The following FBXO36 variants were observed in gnomAD, a reference collection of about 807,000 sequenced individuals.
FBXO36 encodes the protein F-box protein 36, also known as F-box only protein 36.
In FBXO36, 18 loss-of-function variants were observed where a neutral mutation model predicts 17.0. The observed-to-expected ratio is 1.06, with a 90% CI of 0.73 to 1.57. The LOEUF (loss-of-function observed/expected upper bound fraction) is 1.57. Among genes scored for constraint, FBXO36 ranks in the 40% most tolerant of loss-of-function variants. The pLI is 0.00. For synonymous variants in FBXO36, 83 were observed against 85.3 expected (o/e 0.97, Z 0.15); for missense variants, 229 against 221.9 (o/e 1.03, Z -0.20).
intron 3 of FBXO36, among the ~76,000 whole-genome samples, chr2:230,007,981 G>A (rs531698403): frequency 6.6e-6 from 1 of 152,052 alleles, no homozygotes; most frequent in Non-Finnish European, 1.5e-5. Flanking sequence ...TACCCACCTC[G>A]GCCTCGCAGA....
intron 2 of FBXO36, among the ~76,000 whole-genome samples, chr2:229,990,588 A>T (rs765367350): frequency 6.6e-6 from 1 of 152,186 alleles, no homozygotes; most frequent in Admixed American, 6.5e-5. Context: ...GATTAATCCT[A>T]CTGGTCAAAA....
chr2:229,950,936 AT>A (rs2077054424), intron 1 of FBXO36, among the ~76,000 whole-genome samples: 1 of 149,886 alleles, frequency 6.7e-6, no homozygotes, highest in Non-Finnish European at 1.5e-5. Context: ...ATTTTATTTT[AT>A]TTTATTTTAT....
rs1262774790 is a variant in FBXO36, at chr2:230,012,992, C to T, written c.*2108C>T. The T allele has an allele frequency of 1.3e-5, 2 of 149,932 alleles. No individual in the cohort carries two copies. Among genetic ancestry groups the T allele is most frequent in the Non-Finnish European group, 3.0e-5 (2 of 67,564 alleles). 9.3% of individuals were successfully genotyped at this position (149,932 alleles called of 1,614,324 possible). A position where few individuals can be genotyped will look rare whatever the true frequency, so the allele number is the denominator to read the frequency against. On this transcript the variant is annotated 3_prime_UTR_variant, in exon 4 of 4. Transcript: ENST00000283946. ...TTATATGTAGTATATAATAATATTA[C>T]ATATAAAAATGTTATAAAAATAAAT...
At chr2:229,924,199 TCTCCTGCCTCAGC>T (rs1248163734) in intron 1 of FBXO36, among the ~76,000 whole-genome samples, 4 of 152,038 alleles carry the variant, frequency 2.6e-5, no homozygotes, top group Non-Finnish European at 4.4e-5. Context: ...TTCAAGCGAT[TCTCCTGCCTCAGC>T]CCCCCGAGTA....
At chr2:229,927,542 A>C (rs1240009508) in intron 1 of FBXO36, among the ~76,000 whole-genome samples, 1 of 152,196 alleles carries the variant, frequency 6.6e-6, no homozygotes, top group Non-Finnish European at 1.5e-5. Context: ...TGTTAGAAAG[A>C]GAATAATGGT....
intron 1 of FBXO36, among the ~76,000 whole-genome samples, chr2:229,957,923 A>G (rs1303530366): frequency 6.6e-6 from 1 of 152,222 alleles, no homozygotes; most frequent in East Asian, 1.9e-4. Flanking sequence ...TTGTACCAGA[A>G]GTAGAAGTAT....
intron 1 of FBXO36, among the ~76,000 whole-genome samples, chr2:229,961,304 T>G (rs2106182288): frequency 6.6e-6 from 1 of 152,310 alleles, no homozygotes; most frequent in East Asian, 1.9e-4. Flanking sequence ...AGCCTTATAT[T>G]ACTTTCTAAT....
chr2:229,931,732 T>C (rs367846217), intron 1 of FBXO36, among the ~76,000 whole-genome samples: 1 of 151,874 alleles, frequency 6.6e-6, no homozygotes, highest in Non-Finnish European at 1.5e-5. Flanking sequence ...CCAGCTACTC[T>C]GGAGGCTGAG....
chr2:229,979,516 A>C (rs2077227215), intron 2 of FBXO36, among the ~76,000 whole-genome samples: 1 of 151,946 alleles, frequency 6.6e-6, no homozygotes. Flanking sequence ...GCAGTGGCTC[A>C]TACCTATAAT....
At position 229,925,847 on chromosome 2, in the gene FBXO36, C is replaced by A. The variant is rs1254594118; in HGVS notation, c.96+3238C>A. ...GGCACTTCTCTTTTACTGCTTGATA[C>A]CATGTTGTTTTGGGTCTTGGGAGAG... On this transcript the variant is annotated intron_variant, in intron 1 of 3. Transcript: ENST00000283946. Among the ~76,000 whole-genome samples the A allele has an allele frequency of 3.3e-5, 5 of 151,954 alleles. No homozygotes were observed. In the South Asian group the frequency reaches 6.2e-4, roughly 19 times the overall value.
chr2:229,922,706 C>A, intron 1 of FBXO36, 97 bp downstream of exon 1: 1 of 1,316,766 alleles, frequency 7.6e-7, no homozygotes, highest in Non-Finnish European at 1.1e-6. Flanking sequence ...GCAACCGTAG[C>A]CCGCCGGAAG....
In FBXO36 at chr2:230,000,851, CTTTTTTTTTT is replaced by C. The variant is rs71049612; in HGVS notation, c.378+3941_378+3950del. ...TCCCCGCATAACATTAACCACTTTT[CTTTTTTTTTT>C]TTTTTTTTTTTTGAGTCAGAGTCTC... On this transcript the variant is annotated intron_variant, in intron 3 of 3. Coordinates refer to ENST00000283946, the MANE Select transcript of FBXO36 (RefSeq NM_174899.5). Among the ~76,000 whole-genome samples, 5 of 89,502 alleles carry C rather than the reference CTTTTTTTTTT, an allele frequency of 5.6e-5. 1 individual carries two copies. Among genetic ancestry groups the C allele is most frequent in the African/African-American group, 2.1e-4 (5 of 24,242 alleles). 58.7% of individuals were successfully genotyped at this position (89,502 alleles called of 152,430 possible).
In FBXO36 at chr2:229,996,860, C is replaced by T; in HGVS notation, c.315C>T (p.Ile105=). The T allele has an allele frequency of 6.2e-7, 1 of 1,614,118 alleles. No homozygotes were observed. Among genetic ancestry groups the T allele is most frequent in the Middle Eastern group, 1.7e-4 (1 of 6,058 alleles). ...TCTCAGACGATTTGCTCCTGACTAT[C>T]ATTTCTTATCTGGATCTTGAAGATA... ...ERLSDDLLLT[I]ISYLDLEDIA... Residue 105 remains isoleucine (I), a synonymous_variant, in exon 3 of 4, where the codon ATC becomes ATT. Coordinates refer to ENST00000283946, the MANE Select transcript of FBXO36 (RefSeq NM_174899.5).
chr2:229,995,685 C>T (rs765464602), intron 2 of FBXO36, among the ~76,000 whole-genome samples: 4 of 150,812 alleles, frequency 2.7e-5, no homozygotes, highest in Middle Eastern at 3.4e-3. Context: ...CTCCGCCTCC[C>T]GGGTTCAAGC....
intron 2 of FBXO36, among the ~76,000 whole-genome samples, chr2:229,995,679 G>A (rs553654423): frequency 1.3e-4 from 18 of 136,694 alleles, no homozygotes; most frequent in Admixed American, 1.2e-3. Context: ...CGCAACCTCC[G>A]CCTCCCGGGT....
chr2:229,965,505 C>CTCAT (rs1352927541), intron 1 of FBXO36, among the ~76,000 whole-genome samples: 1 of 150,956 alleles, frequency 6.6e-6, no homozygotes, highest in Admixed American at 6.6e-5. Context: ...GGTATATCTC[C>CTCAT]TAATGCTATC....
chr2:229,991,017 A>G (rs1180268318), intron 2 of FBXO36, among the ~76,000 whole-genome samples: 1 of 148,816 alleles, frequency 6.7e-6, no homozygotes, highest in African/African-American at 2.5e-5. Context: ...ATCTAGGCTC[A>G]CTGCAACCTC....
At chr2:229,940,034 T>A (rs1244227671) in intron 1 of FBXO36, among the ~76,000 whole-genome samples, 1 of 151,540 alleles carries the variant, frequency 6.6e-6, no homozygotes, top group Non-Finnish European at 1.5e-5. Context: ...GTACCGGGAC[T>A]GCGCCACTGC....
chr2:229,930,394 CCT>C (rs779937545), intron 1 of FBXO36, among the ~76,000 whole-genome samples: 16 of 152,132 alleles, frequency 1.1e-4, no homozygotes, highest in Non-Finnish European at 1.5e-4. Flanking sequence ...GATTTACACT[CCT>C]CTTTTCAGCT....
Sources: allele counts gnomAD v4.1 joint callset (sites outside exome capture counted in the v4.1 genomes callset), GRCh38; gene constraint gnomAD v4.1.1; transcripts MANE v1.5; gene names NCBI Gene and HGNC (gene_info 2026-07-23, HGNC 2026-07-21).